Variants in MTUS1 observed in about 807,000 individuals in gnomAD.
MTUS1 encodes the protein microtubule-associated tumor suppressor 1.
Under a neutral mutation model 120.8 loss-of-function variants are expected in MTUS1, and 109 were observed. The ratio of observed to expected loss-of-function variants is 0.90; its 90% CI spans 0.77 to 1.06. The LOEUF (loss-of-function observed/expected upper bound fraction) is 1.06, where lower values mean the gene tolerates loss of function less well. MTUS1 is among the 50% of genes least tolerant of loss of function. The pLI, the probability that MTUS1 is intolerant of heterozygous loss-of-function variation, is 0.00. For missense variants in MTUS1, 2,210 were observed against 1,486.3 expected (o/e 1.49, Z -8.01); for synonymous variants, 737 against 550.5 (o/e 1.34, Z -4.74).
intron 12 of MTUS1, among the ~76,000 whole-genome samples, chr8:17,651,116 C>G (rs1806890481): frequency 6.6e-6 from 1 of 152,034 alleles, no homozygotes; most frequent in African/African-American, 2.4e-5. Flanking sequence ...AGGGTCAGGG[C>G]AGGGACTAAT....
At chr8:17,672,785 C>A (rs1398902027) in intron 8 of MTUS1, among the ~76,000 whole-genome samples, 3 of 152,216 alleles carry the variant, frequency 2.0e-5, no homozygotes, top group Non-Finnish European at 4.4e-5. Flanking sequence ...AGAAGCAGTG[C>A]ACCAGGACAG....
At chr8:17,740,924 G>C (rs1360322923) in intron 3 of MTUS1, among the ~76,000 whole-genome samples, 1 of 152,144 alleles carries the variant, frequency 6.6e-6, no homozygotes, top group Non-Finnish European at 1.5e-5. Context: ...GGGGTGCAAT[G>C]GTGCTATCTC....
In MTUS1 at chr8:17,753,810, C is replaced by G; in HGVS notation, c.1998G>C (p.Lys666Asn). ...VPNIDRISPE[K>N]KGEKENGTSM... Reference sequence around the variant, plus strand: ...ATGTCCCATTTTCTTTTTCACCCTTCTTTTCAGGGCTAATCCTATCAATGT... The same window carrying G: ...ATGTCCCATTTTCTTTTTCACCCTTGTTTTCAGGGCTAATCCTATCAATGT... The change falls in exon 2 of 15, where the codon AAG becomes AAC. Residue 666 changes from lysine to asparagine, a missense_variant. Lys to Asn is a moderately conservative substitution (Grantham distance 94). Transcript: ENST00000693296. 6.2e-7 allele frequency: 1 copy of G among 1,613,888 alleles called. No homozygotes were observed. The highest frequency in any genetic ancestry group is 8.5e-7 in the Non-Finnish European group (1 of 1,179,956).
intron 8 of MTUS1, among the ~76,000 whole-genome samples, chr8:17,662,460 A>G (rs369214908): frequency 1.4e-5 from 2 of 146,754 alleles, no homozygotes; most frequent in African/African-American, 5.1e-5. Flanking sequence ...GGTTCATGCG[A>G]TTCTCTTGCC....
rs1444079352 is a variant in MTUS1, at chr8:17,754,887, T to C, written c.921A>G (p.Leu307=). Residue 307 remains leucine, a synonymous_variant, in exon 2 of 15, where the codon TTA becomes TTG. Transcript: ENST00000693296. ...DGMEVPNDSA[L]QEFFCLSHDE... ...CATGGGATAAACAAAAGAACTCTTG[T>C]AATGCAGAATCATTGGGGACTTCCA... The C allele has an allele frequency of 2.5e-6, 4 of 1,614,128 alleles. No homozygotes were observed. Among genetic ancestry groups the C allele is most frequent in the Non-Finnish European group, 2.5e-6 (3 of 1,180,054 alleles).
intron 3 of MTUS1, among the ~76,000 whole-genome samples, chr8:17,741,192 T>C (rs1340080527): frequency 6.6e-6 from 1 of 152,036 alleles, no homozygotes; most frequent in African/African-American, 2.4e-5. Flanking sequence ...CTCTTCATCT[T>C]TTTCTAAGGG....
chr8:17,727,208 A>G (rs1437145134), intron 3 of MTUS1, among the ~76,000 whole-genome samples: 1 of 152,224 alleles, frequency 6.6e-6, no homozygotes, highest in African/African-American at 2.4e-5. Context: ...TTTCACCAAA[A>G]GATTAGTTTC....
At position 17,755,692 on chromosome 8, in the gene MTUS1, G is replaced by A; in HGVS notation, c.116C>T (p.Ser39Phe). Residue 39 changes from serine to phenylalanine, a missense_variant, in exon 2 of 15, where the codon TCT (serine) becomes TTT (phenylalanine). By Grantham distance (155) the Ser-to-Phe change is radical. Transcript: ENST00000693296. ...ATTCCAGTTCACACTGCTGGCTGAA[G>A]AGTTTTGTGTAGGTGGTGATTTCGG... ...YNPKSPPTQN[S>F]SASSVNWNSA... is the part of the protein sequence containing the mutation. The A allele has an allele frequency of 6.2e-7, 1 of 1,614,208 alleles. No homozygotes were observed. Among genetic ancestry groups the A allele is most frequent in the Non-Finnish European group, 8.5e-7 (1 of 1,180,032 alleles).
chr8:17,653,347 C>A lies in MTUS1; in HGVS notation c.3289-66G>T, dbSNP rs545945477. 15 of 1,511,200 alleles carry A rather than the reference C, an allele frequency of 9.9e-6. No individual in the cohort carries two copies. The East Asian group carries it at 3.2e-4, about 32-fold the overall frequency. 93.6% of individuals were successfully genotyped at this position (1,511,200 alleles called of 1,614,324 possible). A position where few individuals can be genotyped will look rare whatever the true frequency, so the allele number is the denominator to read the frequency against. On this transcript the variant is annotated intron_variant, in intron 11 of 14. Transcript: ENST00000693296. ...ACCCCAGAAACTCAGCATACGTACA[C>A]AGAAACATTAAAACCAAACAAAATC...
chr8:17,703,690 C>A, intron 6 of MTUS1, among the ~76,000 whole-genome samples: 1 of 151,772 alleles, frequency 6.6e-6, no homozygotes, highest in Non-Finnish European at 1.5e-5. Context: ...CTGCAGTACC[C>A]TCAGGCTTAC....
At chr8:17,708,525 T>G (rs1023498969) in intron 6 of MTUS1, among the ~76,000 whole-genome samples, 1 of 152,240 alleles carries the variant, frequency 6.6e-6, no homozygotes, top group South Asian at 2.1e-4. Context: ...CCAGCCACTT[T>G]GGAAAACAGC....
intron 2 of MTUS1, among the ~76,000 whole-genome samples, chr8:17,749,838 T>A (rs1439202640): frequency 6.6e-6 from 1 of 152,132 alleles, no homozygotes; most frequent in Non-Finnish European, 1.5e-5. Flanking sequence ...TGTACCTCGA[T>A]CACCTTAGGC....
intron 5 of MTUS1, among the ~76,000 whole-genome samples, chr8:17,713,759 A>G (rs388686): frequency 0.066 from 10,103 of 152,286 alleles, 429 homozygotes; most frequent in African/African-American, 0.12. Flanking sequence ...TAAGTCACTA[A>G]AAGAAATCTA....
intron 6 of MTUS1, among the ~76,000 whole-genome samples, chr8:17,684,798 T>C (rs892931415): frequency 1.3e-5 from 2 of 152,194 alleles, no homozygotes; most frequent in African/African-American, 2.4e-5. Flanking sequence ...ACAAATGGAT[T>C]TGGCAACCCA....
intron 6 of MTUS1, chr8:17,704,125 G>A (rs1422789471): frequency 2.6e-5 from 4 of 152,080 alleles, no homozygotes; most frequent in Non-Finnish European, 5.9e-5. Context: ...GAAATATTGG[G>A]GGCGACAGAC....
chr8:17,674,983 C>T, intron 8 of MTUS1: 3 of 1,384,202 alleles, frequency 2.2e-6, no homozygotes, highest in Non-Finnish European at 2.8e-6. Flanking sequence ...TTAGTCAGAT[C>T]AGTGCCAGGA....
chr8:17,774,274 T>G (rs1269672118), intron 1 of MTUS1, among the ~76,000 whole-genome samples: 2 of 152,222 alleles, frequency 1.3e-5, no homozygotes, highest in African/African-American at 4.8e-5. Context: ...CCTTCACATC[T>G]GCATAAACGC....
chr8:17,677,233 A>T (rs1813313523), intron 7 of MTUS1, among the ~76,000 whole-genome samples: 1 of 152,268 alleles, frequency 6.6e-6, no homozygotes, highest in South Asian at 2.1e-4. Context: ...AATATGTATC[A>T]TAAATACTTC....
intron 1 of MTUS1, among the ~76,000 whole-genome samples, chr8:17,767,788 G>T (rs998679173): frequency 1.3e-5 from 2 of 151,664 alleles, no homozygotes; most frequent in Non-Finnish European, 2.9e-5. Context: ...AAGATAAAGA[G>T]CCAACGGTTT....
Sources: gnomAD v4.1 joint callset for allele counts (sites outside exome capture counted in the v4.1 genomes callset) on GRCh38, gnomAD v4.1.1 for gene constraint, MANE v1.5 for transcripts, NCBI Gene and HGNC (gene_info 2026-07-23, HGNC 2026-07-21) for gene names.